Variants in APTX observed in about 807,000 individuals in gnomAD.
APTX encodes forkhead-associated domain histidine triad-like protein.
A neutral mutation model predicts 42.3 loss-of-function variants in APTX; 33 were observed. That is an observed-to-expected ratio of 0.78 (90% CI 0.59 to 1.04). The LOEUF (loss-of-function observed/expected upper bound fraction) is 1.04. Among genes scored for constraint, APTX ranks in the 50% least tolerant of loss-of-function variants. APTX has a pLI of 0.00. For synonymous variants in APTX, 130 were observed against 146.7 expected (o/e 0.89, Z 0.82); for missense variants, 421 against 415.1 (o/e 1.01, Z -0.12).
chr9:32,995,364 C>A (rs1279872600), intron 1 of APTX, among the ~76,000 whole-genome samples: 1 of 152,030 alleles, frequency 6.6e-6, no homozygotes, highest in East Asian at 1.9e-4. Context: ...TGATTCCAAC[C>A]CTTATGGATG....
intron 2 of APTX, among the ~76,000 whole-genome samples, chr9:32,989,053 T>G (rs535236761): frequency 6.6e-6 from 1 of 152,202 alleles, no homozygotes; most frequent in African/African-American, 2.4e-5. Context: ...GCCCCTTCAG[T>G]TGCTGTTGTG....
At chr9:33,002,721 A>G (rs1356270828), upstream of APTX, among the ~76,000 whole-genome samples, 1 of 152,210 alleles carries the variant, frequency 6.6e-6, no homozygotes, top group Non-Finnish European at 1.5e-5. Flanking sequence ...AAGTTCCTGA[A>G]TAAAGTCTTC....
At chr9:33,001,135 C>T (rs1836327300) in intron 1 of APTX, among the ~76,000 whole-genome samples, 1 of 152,074 alleles carries the variant, frequency 6.6e-6, no homozygotes, top group Non-Finnish European at 1.5e-5. Context: ...GCATGAGCCA[C>T]CCCGCCCGGC....
At chr9:32,995,887 C>CAAAA (rs75109627) in intron 1 of APTX, among the ~76,000 whole-genome samples, 2 of 100,682 alleles carry the variant, frequency 2.0e-5, no homozygotes, top group Non-Finnish European at 3.9e-5. Context: ...GTCTCCGTCT[C>CAAAA]AAAAAAAAAA....
Position 32,987,738 on chromosome 9 carries a change from T to C in APTX, c.289A>G (p.Ile97Val), listed in dbSNP as rs1563967931. Residue 97 changes from isoleucine (I) to valine (V), a missense_variant, in exon 4 of 8, where the codon ATT (isoleucine) becomes GTT (valine). Coordinates refer to ENST00000379817, the MANE Select transcript of APTX (RefSeq NM_001195248.2). ...TTTGCCTCTTCCTCAAACTCTACAATATATGGATAAAGTTCATTCACCATG... is the reference window on the plus strand; with the variant it reads ...TTTGCCTCTTCCTCAAACTCTACAACATATGGATAAAGTTCATTCACCATG... The part of the protein sequence containing the change: ...LHMVNELYPY[I>V]VEFEEEAKNP... The C allele has an allele frequency of 2.5e-6, 4 of 1,614,214 alleles. No individual in the cohort carries two copies. The highest frequency in any genetic ancestry group is 3.4e-6 in the Non-Finnish European group (4 of 1,180,046).
At chr9:33,022,523 GTCCA>G (rs1035519398) in intron 1 of APTX, among the ~76,000 whole-genome samples, 50 of 152,178 alleles carry the variant, frequency 3.3e-4, no homozygotes, top group Non-Finnish European at 5.7e-4. Flanking sequence ...AATTCTAGCT[GTCCA>G]TCCAACAGAA....
At chr9:32,989,959 A>AC in intron 1 of APTX, 64 bp from the exon 2 acceptor site, 3 of 1,562,974 alleles carry the variant, frequency 1.9e-6, no homozygotes, top group Non-Finnish European at 2.6e-6. Flanking sequence ...CTCCAGGGCC[A>AC]CACCCGGTGC....
intron 1 of APTX, among the ~76,000 whole-genome samples, chr9:33,018,884 G>A (rs757968913): frequency 6.6e-6 from 1 of 152,072 alleles, no homozygotes; most frequent in Admixed American, 6.6e-5. Context: ...ATCTCAAAAA[G>A]AAAGATATGT....
intron 3 of APTX, 82 bp downstream of exon 3, chr9:32,988,001 T>C: frequency 6.5e-7 from 1 of 1,541,550 alleles, no homozygotes; most frequent in South Asian, 1.1e-5. Flanking sequence ...AGAGAAGCCT[T>C]CACTGGCTGG....
At position 32,973,549 on chromosome 9, in the gene APTX, CA is replaced by C. The variant is rs1437432600; in HGVS notation, c.977del (p.Leu326ArgfsTer7). ...PLRCHECQQL[L>X]PSIPQLKEHL... ...GTTCTTTCAGCTGAGGAATGGAAGG[CA>C]GCAGCTGCTGGCACTCATGACAACG... is the stretch of plus-strand genomic sequence containing the variant. On this transcript the variant is annotated frameshift_variant, in exon 8 of 8. Transcript: ENST00000379817. LOFTEE classifies it high-confidence loss of function. 1 of 1,614,058 alleles carries C rather than the reference CA, an allele frequency of 6.2e-7. No individual in the cohort carries two copies. The highest frequency in any genetic ancestry group is 1.7e-5 in the Admixed American group (1 of 60,010).
chr9:32,986,153 A>G, intron 4 of APTX, 123 bp from the exon 5 acceptor site: 1 of 935,960 alleles, frequency 1.1e-6, no homozygotes, highest in South Asian at 1.3e-5. Flanking sequence ...CTTGGAAATA[A>G]GCTTAGTTTT....
At position 33,010,525 on chromosome 9, in the gene APTX, G is replaced by C. The variant is rs142452499; in HGVS notation, c.-5+14498C>G. Among the ~76,000 whole-genome samples the C allele has an allele frequency of 4.3e-3, 661 of 152,126 alleles. 4 individuals carry two copies. The highest frequency in any genetic ancestry group is 0.015 in the African/African-American group (636 of 41,488). ...ACTTGAGGTCAGAAGTTCAAGACCAGCCTGGTCAACATGGTGAAACCCCGT... is the reference window on the plus strand; with the variant it reads ...ACTTGAGGTCAGAAGTTCAAGACCACCCTGGTCAACATGGTGAAACCCCGT... On this transcript the variant is annotated intron_variant, in intron 1 of 6. Coordinates refer to the APTX transcript ENST00000436040.
chr9:33,022,468 T>A (rs533484775), intron 1 of APTX, among the ~76,000 whole-genome samples: 3 of 152,234 alleles, frequency 2.0e-5, no homozygotes, highest in Non-Finnish European at 4.4e-5. Context: ...TGGAAACTTA[T>A]TTATTACAAT....
rs1240346870 is a variant in APTX, at chr9:32,973,407, A to T, written c.*91T>A. On this transcript the variant is annotated 3_prime_UTR_variant, in exon 8 of 8. Coordinates refer to ENST00000379817, the MANE Select transcript of APTX (RefSeq NM_001195248.2). ...AAAAAGCTGCATGTTTTAATTTAGGAAATGAGTAGAAGTTCACAAGCAACC... is the reference window on the plus strand; with the variant it reads ...AAAAAGCTGCATGTTTTAATTTAGGTAATGAGTAGAAGTTCACAAGCAACC... 2.1e-6 allele frequency: 3 copies of T among 1,413,522 alleles called. No homozygotes were observed. 87.6% of individuals were successfully genotyped at this position (1,413,522 alleles called of 1,614,324 possible).
intron 1 of APTX, among the ~76,000 whole-genome samples, chr9:32,995,714 A>T (rs111749937): frequency 1.3e-5 from 2 of 151,846 alleles, no homozygotes; most frequent in East Asian, 1.9e-4. Flanking sequence ...GGTGAAACCC[A>T]GTCTCTACTA....
At chr9:33,021,777 C>T (rs998526303) in intron 1 of APTX, among the ~76,000 whole-genome samples, 3 of 152,084 alleles carry the variant, frequency 2.0e-5, no homozygotes, top group Non-Finnish European at 4.4e-5. Context: ...TACAAATAAT[C>T]CTCAGTCCTT....
At chr9:32,993,874 A>G (rs2118968422) in intron 1 of APTX, among the ~76,000 whole-genome samples, 1 of 152,076 alleles carries the variant, frequency 6.6e-6, no homozygotes, top group East Asian at 1.9e-4. Flanking sequence ...GTGCATTACC[A>G]CACCTGACTA....
intron 1 of APTX, among the ~76,000 whole-genome samples, chr9:33,022,946 C>T (rs908929937): frequency 6.6e-6 from 1 of 152,180 alleles, no homozygotes; most frequent in African/African-American, 2.4e-5. Flanking sequence ...GGTCCATCCT[C>T]CTGCCTCAGC....
upstream of APTX, among the ~76,000 whole-genome samples, chr9:33,005,950 T>C (rs1837103372): frequency 6.6e-6 from 1 of 152,244 alleles, no homozygotes; most frequent in South Asian, 2.1e-4. Flanking sequence ...GTCTTTACAC[T>C]AGTACTGCAC....
Sources: allele counts gnomAD v4.1 joint callset (sites outside exome capture counted in the v4.1 genomes callset), GRCh38; gene constraint gnomAD v4.1.1; transcripts MANE v1.5; gene names NCBI Gene and HGNC (gene_info 2026-07-23, HGNC 2026-07-21).